Variants in CEP55 observed in about 807,000 individuals in gnomAD.
The protein encoded by CEP55 is centrosomal protein of 55 kDa.
In CEP55, 57 loss-of-function variants were observed where a neutral mutation model predicts 63.2. That is an observed-to-expected ratio of 0.90 (90% confidence interval 0.73 to 1.13). CEP55 has a LOEUF of 1.13. CEP55 is among the 50% of genes most tolerant of loss of function. The probability of loss-of-function intolerance (pLI) is 0.00; values close to 1 mark genes in which losing one functional copy is unlikely to be tolerated. For synonymous variants in CEP55, 178 were observed against 191.6 expected (o/e 0.93, Z 0.59); for missense variants, 456 against 518.9 (o/e 0.88, Z 1.18).
At chr10:93,522,926 C>T (rs546183644) in intron 8 of CEP55, among the ~76,000 whole-genome samples, 3 of 152,308 alleles carry the variant, frequency 2.0e-5, no homozygotes, top group African/African-American at 4.8e-5. Context: ...CCTACAAGAG[C>T]TCCTAAAGGA....
chr10:93,526,288 C>G (rs2057920848), intron 8 of CEP55, among the ~76,000 whole-genome samples: 1 of 152,166 alleles, frequency 6.6e-6, no homozygotes, highest in African/African-American at 2.4e-5. Flanking sequence ...TGAATAGACA[C>G]TTCTCAAAAG....
Position 93,507,042 on chromosome 10 carries a change from A to T in CEP55, c.514A>T (p.Ile172Leu). ...AATAAATAATATTCATGAAATGGAA[A>T]TACAGCTGAAAGATGTAAGTTCATT... Reference protein sequence around the residue: ...SSINNIHEMEIQLKDALEKNQ... With the variant: ...SSINNIHEMELQLKDALEKNQ... The change falls in exon 4 of 9, where the codon ATA (isoleucine) becomes TTA (leucine). Residue 172 changes from isoleucine (I) to leucine (L), a missense_variant. By Grantham distance (5) the Ile-to-Leu change is conservative. Transcript: ENST00000371485. 1 of 1,562,758 alleles carries T rather than the reference A, an allele frequency of 6.4e-7. No individual in the cohort carries two copies. Among genetic ancestry groups the T allele is most frequent in the Non-Finnish European group, 8.8e-7 (1 of 1,134,452 alleles).
chr10:93,505,404 G>A (rs1422062055), intron 3 of CEP55, among the ~76,000 whole-genome samples: 1 of 152,132 alleles, frequency 6.6e-6, no homozygotes, highest in African/African-American at 2.4e-5. Flanking sequence ...AGCTTGTGGA[G>A]AACTGCCTAG....
chr10:93,516,962 G>A lies in CEP55; in HGVS notation c.707G>A (p.Cys236Tyr), dbSNP rs770983568. 1.3e-5 allele frequency: 21 copies of A among 1,591,798 alleles called. No individual in the cohort carries two copies. The highest frequency in any genetic ancestry group is 1.7e-5 in the Non-Finnish European group (20 of 1,165,708). ...TATCTTCAAGAAGAGAAGCAGAAAT[G>A]TTACAACGATCTCTTGGCAAGTGCA... The part of the protein sequence containing the change: ...EGYLQEEKQK[C>Y]YNDLLASAKK... Residue 236 changes from cysteine (C) to tyrosine (Y), a missense_variant, in exon 6 of 9, where the codon TGT (cysteine) becomes TAT (tyrosine). Cys to Tyr is a radical substitution (Grantham distance 194). Coordinates refer to ENST00000371485, the MANE Select transcript of CEP55 (RefSeq NM_018131.5).
At chr10:93,504,607 T>A (rs1014640509) in intron 3 of CEP55, among the ~76,000 whole-genome samples, 1 of 152,194 alleles carries the variant, frequency 6.6e-6, no homozygotes, top group Non-Finnish European at 1.5e-5. Flanking sequence ...ATGTGTATTT[T>A]CATAGATGGG....
chr10:93,513,968 G>A (rs1211321130), intron 4 of CEP55, among the ~76,000 whole-genome samples: 3 of 147,872 alleles, frequency 2.0e-5, no homozygotes, highest in African/African-American at 5.0e-5. Context: ...TTTTTGAGAC[G>A]GGGTCTCACT....
intron 2 of CEP55, 115 bp downstream of exon 2, chr10:93,500,349 G>A: frequency 1.1e-6 from 1 of 885,636 alleles, no homozygotes; most frequent in East Asian, 2.6e-5. Context: ...CAGTTGATTA[G>A]TTTTGGAAAG....
intron 1 of CEP55, among the ~76,000 whole-genome samples, chr10:93,497,150 G>A (rs549233860): frequency 3.9e-5 from 6 of 152,344 alleles, no homozygotes; most frequent in Admixed American, 1.3e-4. Flanking sequence ...GCGTCGCCTT[G>A]TAGAAGATGC....
intron 4 of CEP55, among the ~76,000 whole-genome samples, chr10:93,514,093 G>A (rs1188730104): frequency 2.6e-5 from 4 of 152,066 alleles, no homozygotes; most frequent in African/African-American, 7.2e-5. Context: ...GCAGGTACGT[G>A]CCACCATGCC....
intron 3 of CEP55, 80 bp downstream of exon 3, chr10:93,503,468 A>T: frequency 2.2e-6 from 3 of 1,353,394 alleles, no homozygotes; most frequent in Non-Finnish European, 3.1e-6. Flanking sequence ...TGAGTTTGTT[A>T]AGACATGCTT....
At chr10:93,500,551 C>T (rs1251859710) in intron 2 of CEP55, among the ~76,000 whole-genome samples, 2 of 152,164 alleles carry the variant, frequency 1.3e-5, no homozygotes, top group East Asian at 1.9e-4. Context: ...GTCTGTTTCA[C>T]CTTTAGTATG....
At position 93,517,242 on chromosome 10, in the gene CEP55, A is replaced by C; in HGVS notation, c.987A>C (p.Leu329Phe). The change falls in exon 6 of 9, where the codon TTA (leucine) becomes TTC (phenylalanine). Residue 329 changes from leucine to phenylalanine, a missense_variant. Physicochemically the swap from Leu to Phe is conservative, Grantham distance 22 (BLOSUM62 0). Coordinates refer to ENST00000371485, the MANE Select transcript of CEP55 (RefSeq NM_018131.5). ...AGAAGAAGAGATCCGAAGAGCTCTT[A>C]TCTCAGGTAAACTTAACCAGATCCA... The part of the protein sequence containing the change: ...EEEKKRSEEL[L>F]SQVQFLYTSL... The C allele has an allele frequency of 6.3e-7, 1 of 1,590,702 alleles. No homozygotes were observed. Among genetic ancestry groups the C allele is most frequent in the South Asian group, 1.1e-5 (1 of 86,978 alleles).
intron 3 of CEP55, among the ~76,000 whole-genome samples, chr10:93,504,801 T>C (rs2134461351): frequency 6.6e-6 from 1 of 152,194 alleles, no homozygotes; most frequent in Non-Finnish European, 1.5e-5. Flanking sequence ...GAAATTATAA[T>C]TTTTAAAATT....
intron 4 of CEP55, among the ~76,000 whole-genome samples, chr10:93,509,262 G>T (rs1033803949): frequency 6.6e-6 from 1 of 152,080 alleles, no homozygotes; most frequent in Admixed American, 6.6e-5. Flanking sequence ...GGGTCACATT[G>T]TGCTTGTCTC....
At chr10:93,511,269 G>T (rs1243789628) in intron 4 of CEP55, among the ~76,000 whole-genome samples, 1 of 152,020 alleles carries the variant, frequency 6.6e-6, no homozygotes, top group South Asian at 2.1e-4. Context: ...GCCCACTTTT[G>T]TTCTACATTT....
chr10:93,521,633 G>A (rs1017387386), intron 8 of CEP55, among the ~76,000 whole-genome samples: 5 of 152,144 alleles, frequency 3.3e-5, no homozygotes, highest in South Asian at 2.1e-4. Context: ...ATCTGAGAAC[G>A]GACAGACTGC....
At chr10:93,526,178 A>C (rs1407488865) in intron 8 of CEP55, among the ~76,000 whole-genome samples, 1 of 152,256 alleles carries the variant, frequency 6.6e-6, no homozygotes, top group Non-Finnish European at 1.5e-5. Context: ...AAATTTTTGC[A>C]ATCTACTCAA....
At chr10:93,512,370 T>TG (rs1170948037) in intron 4 of CEP55, among the ~76,000 whole-genome samples, 2 of 151,408 alleles carry the variant, frequency 1.3e-5, no homozygotes, top group African/African-American at 2.4e-5. Flanking sequence ...CAAAATTAGC[T>TG]GGGTGTGGTG....
intron 4 of CEP55, among the ~76,000 whole-genome samples, chr10:93,507,380 T>A (rs1470919372): frequency 6.6e-6 from 1 of 151,318 alleles, no homozygotes; most frequent in African/African-American, 2.4e-5. Context: ...GCCACCACAC[T>A]CCGCTAAGTT....
Sources: gnomAD v4.1 joint callset for allele counts (sites outside exome capture counted in the v4.1 genomes callset) on GRCh38, gnomAD v4.1.1 for gene constraint, MANE v1.5 for transcripts, NCBI Gene and HGNC (gene_info 2026-07-23, HGNC 2026-07-21) for gene names.